COL23A1: variants seen among roughly 807,000 people sequenced by gnomAD.
COL23A1 encodes the protein collagen alpha-1(XXIII) chain.
A neutral mutation model predicts 99.3 loss-of-function variants in COL23A1; 97 were observed. The ratio of observed to expected loss-of-function variants is 0.98; its 90% CI spans 0.83 to 1.16. The LOEUF (loss-of-function observed/expected upper bound fraction) is 1.16. COL23A1 is among the 50% of genes most tolerant of loss of function. The probability of loss-of-function intolerance (pLI) is 0.00; values close to 1 mark genes in which losing one functional copy is unlikely to be tolerated. For missense variants in COL23A1, 762 were observed against 757.4 expected (o/e 1.01, Z -0.07); for synonymous variants, 320 against 308.2 (o/e 1.04, Z -0.40).
At chr5:178,394,565 C>T (rs796111902) in intron 2 of COL23A1, among the ~76,000 whole-genome samples, 44 of 152,360 alleles carry the variant, frequency 2.9e-4, no homozygotes, top group African/African-American at 9.9e-4. Flanking sequence ...CACAGCTAAA[C>T]TGTGTGGCCT....
intron 5 of COL23A1, among the ~76,000 whole-genome samples, chr5:178,277,222 TGG>T (rs943045833): frequency 1.4e-5 from 2 of 140,940 alleles, no homozygotes; most frequent in African/African-American, 5.3e-5. Flanking sequence ...AAAAAAAGGT[TGG>T]GTGTGGTGGC....
chr5:178,269,960 G>A (rs890538204), intron 6 of COL23A1, among the ~76,000 whole-genome samples: 1 of 152,246 alleles, frequency 6.6e-6, no homozygotes, highest in Non-Finnish European at 1.5e-5. Context: ...ATGCCCACCA[G>A]GGCAGTCTTG....
chr5:178,574,773 G>A (rs188308097), intron 1 of COL23A1, among the ~76,000 whole-genome samples: 1 of 133,290 alleles, frequency 7.5e-6, no homozygotes, highest in Non-Finnish European at 1.5e-5. Flanking sequence ...AATGCTAAAC[G>A]CTGAAGGTAT....
At chr5:178,296,522 C>T (rs1183503625) in intron 3 of COL23A1, among the ~76,000 whole-genome samples, 1 of 152,162 alleles carries the variant, frequency 6.6e-6, no homozygotes, top group African/African-American at 2.4e-5. Flanking sequence ...AAGGCACTTT[C>T]GTCCGTGGGA....
chr5:178,376,103 C>T (rs929826252), intron 2 of COL23A1, among the ~76,000 whole-genome samples: 1 of 152,210 alleles, frequency 6.6e-6, no homozygotes, highest in Non-Finnish European at 1.5e-5. Flanking sequence ...ATATCCCACT[C>T]TGCACACGCC....
At chr5:178,483,310 T>G (rs1052568453) in intron 2 of COL23A1, among the ~76,000 whole-genome samples, 1 of 151,694 alleles carries the variant, frequency 6.6e-6, no homozygotes, top group African/African-American at 2.4e-5. Flanking sequence ...CACATAAAAC[T>G]GAGGAATTAA....
intron 5 of COL23A1, among the ~76,000 whole-genome samples, chr5:178,275,968 A>G (rs1477220296): frequency 6.6e-6 from 1 of 150,494 alleles, no homozygotes; most frequent in African/African-American, 2.5e-5. Context: ...CAATCATTAA[A>G]CTCTTTCTCT....
rs542068405 is a variant in COL23A1, at chr5:178,318,640, A to G, written c.362-11721T>C. Among the ~76,000 whole-genome samples, 159 of 152,274 alleles carry G rather than the reference A, an allele frequency of 1.0e-3. 2 individuals carry two copies. The South Asian group carries it at 0.022, about 21-fold the overall frequency. On this transcript the variant is annotated intron_variant, in intron 2 of 28. Transcript: ENST00000390654. ...CTTTCGGCCGGGCGCGGTGGCTCAC[A>G]CCTATAATTCCAGCACTTTGGGAGG...
At chr5:178,367,375 G>GC (rs1164848119) in intron 2 of COL23A1, among the ~76,000 whole-genome samples, 1 of 146,982 alleles carries the variant, frequency 6.8e-6, no homozygotes, top group African/African-American at 2.7e-5. Flanking sequence ...GCAGCAGCCA[G>GC]AGTATCAGCA....
At chr5:178,435,726 A>G (rs1425503274) in intron 2 of COL23A1, among the ~76,000 whole-genome samples, 1 of 152,090 alleles carries the variant, frequency 6.6e-6, no homozygotes, top group Admixed American at 6.5e-5. Flanking sequence ...TTGAAGCCGC[A>G]ATTGCATGCA....
At chr5:178,290,923 C>G (rs186566409) in intron 3 of COL23A1, among the ~76,000 whole-genome samples, 6 of 152,172 alleles carry the variant, frequency 3.9e-5, no homozygotes, top group East Asian at 1.9e-4. Context: ...CACAGAGAAC[C>G]CTTATGAGGC....
At chr5:178,294,482 C>A (rs1198802825) in intron 3 of COL23A1, among the ~76,000 whole-genome samples, 1 of 125,984 alleles carries the variant, frequency 7.9e-6, no homozygotes, top group Non-Finnish European at 1.8e-5. Context: ...TACCGAGCTC[C>A]CTCCCCAAAT....
chr5:178,324,862 G>A (rs1405839005), intron 2 of COL23A1, among the ~76,000 whole-genome samples: 3 of 152,196 alleles, frequency 2.0e-5, no homozygotes, highest in Non-Finnish European at 2.9e-5. Flanking sequence ...GCTCGGCGGG[G>A]GTTGCAGGTG....
chr5:178,315,099 G>A (rs1055837938), intron 2 of COL23A1, among the ~76,000 whole-genome samples: 1 of 152,124 alleles, frequency 6.6e-6, no homozygotes, highest in African/African-American at 2.4e-5. Flanking sequence ...CCCTCCTTGT[G>A]CCATCCAAAA....
intron 2 of COL23A1, among the ~76,000 whole-genome samples, chr5:178,488,110 A>C (rs1757732975): frequency 1.3e-5 from 2 of 152,176 alleles, no homozygotes; most frequent in South Asian, 4.1e-4. Flanking sequence ...CACACGGAGC[A>C]CTCCGGGGAG....
chr5:178,500,342 C>T (rs1758452366), intron 2 of COL23A1, among the ~76,000 whole-genome samples: 1 of 140,062 alleles, frequency 7.1e-6, no homozygotes, highest in Non-Finnish European at 1.5e-5. Context: ...AATCTCAACA[C>T]TTTGGGAAGC....
chr5:178,484,897 T>A (rs1358431536), intron 2 of COL23A1, among the ~76,000 whole-genome samples: 2 of 149,416 alleles, frequency 1.3e-5, no homozygotes, highest in African/African-American at 4.9e-5. Flanking sequence ...TAAAAGCCCA[T>A]ATTTGTAAAG....
rs187102028 is a variant in COL23A1, at chr5:178,242,270, C to A, written c.1494+71G>T. ...GCCTGGGTTCTCTCTACCTGCTTCA[C>A]CTGAGCCTCCACTCCCACCTGCCTC... On this transcript the variant is annotated intron_variant, in intron 26 of 28. Coordinates refer to ENST00000390654, the MANE Select transcript of COL23A1 (RefSeq NM_173465.4). 29 of 1,550,430 alleles carry A rather than the reference C, an allele frequency of 1.9e-5. No individual in the cohort carries two copies. In the African/African-American group the frequency reaches 3.8e-4, roughly 20 times the overall value.
At chr5:178,256,469 C>G (rs551696548) in intron 14 of COL23A1, 72 bp from the exon 15 acceptor site, 19 of 1,429,468 alleles carry the variant, frequency 1.3e-5, no homozygotes, top group Admixed American at 4.6e-5. Context: ...ACCCTGCCCC[C>G]AGTCCCCTCT....
Sources: gnomAD v4.1 joint callset for allele counts (sites outside exome capture counted in the v4.1 genomes callset) on GRCh38, gnomAD v4.1.1 for gene constraint, MANE v1.5 for transcripts, NCBI Gene and HGNC (gene_info 2026-07-23, HGNC 2026-07-21) for gene names.